Variants in PPP6R3 observed in about 807,000 individuals in gnomAD.
PPP6R3 encodes the protein serine/threonine-protein phosphatase 6 regulatory subunit 3.
A neutral mutation model predicts 110.7 loss-of-function variants in PPP6R3; 38 were observed. That is an observed-to-expected ratio of 0.34 (90% CI 0.26 to 0.45). The LOEUF (loss-of-function observed/expected upper bound fraction) is 0.45. PPP6R3 is among the 20% of genes least tolerant of loss of function. The pLI, the probability that PPP6R3 is intolerant of heterozygous loss-of-function variation, is 1.00. For missense variants in PPP6R3, 870 were observed against 1,062.4 expected (o/e 0.82, Z 2.52); for synonymous variants, 369 against 373.5 (o/e 0.99, Z 0.14).
intron 1 of PPP6R3, among the ~76,000 whole-genome samples, chr11:68,491,474 G>T (rs1000574721): frequency 8.6e-5 from 13 of 151,658 alleles, no homozygotes; most frequent in African/African-American, 3.2e-4. Flanking sequence ...CTCCTGAGTA[G>T]CTAGGACTAC....
chr11:68,495,205 C>T (rs935803709), intron 1 of PPP6R3, among the ~76,000 whole-genome samples: 17 of 152,114 alleles, frequency 1.1e-4, no homozygotes, highest in African/African-American at 4.1e-4. Flanking sequence ...ATATAACTTA[C>T]AATACAAGAT....
Position 68,613,147 on chromosome 11 carries a change from A to C in PPP6R3, c.*30A>C. On this transcript the variant is annotated 3_prime_UTR_variant, in exon 24 of 24. Transcript: ENST00000393800. ...TGACGTCTGCTGCTGCTGACTGAGG[A>C]CTGCAGACCGCCACCACTCAGGGGC... 1 of 1,613,486 alleles carries C rather than the reference A, an allele frequency of 6.2e-7. No homozygotes were observed. The highest frequency in any genetic ancestry group is 2.2e-5 in the East Asian group (1 of 44,864).
chr11:68,602,976 C>G (rs1238401377), intron 21 of PPP6R3, among the ~76,000 whole-genome samples: 1 of 152,116 alleles, frequency 6.6e-6, no homozygotes, highest in Non-Finnish European at 1.5e-5. Context: ...TAGAGCCCAA[C>G]TGAGGAAAAC....
chr11:68,546,087 C>G (rs943955969), intron 4 of PPP6R3, among the ~76,000 whole-genome samples: 1 of 152,174 alleles, frequency 6.6e-6, no homozygotes, highest in African/African-American at 2.4e-5. Context: ...TGGATACATG[C>G]TTTATTTTAG....
intron 1 of PPP6R3, among the ~76,000 whole-genome samples, chr11:68,474,532 T>C (rs986642964): frequency 1.3e-5 from 2 of 152,222 alleles, no homozygotes; most frequent in Non-Finnish European, 2.9e-5. Context: ...TTTTCCTTTT[T>C]TTATATCAAC....
At chr11:68,463,530 TTGTG>T (rs949715095) in intron 1 of PPP6R3, among the ~76,000 whole-genome samples, 1 of 151,612 alleles carries the variant, frequency 6.6e-6, no homozygotes, top group African/African-American at 2.4e-5. Context: ...CTGTGTGTGT[TTGTG>T]TGTGTGTGTG....
At chr11:68,584,260 G>T (rs1250037646) in intron 15 of PPP6R3, among the ~76,000 whole-genome samples, 1 of 152,166 alleles carries the variant, frequency 6.6e-6, no homozygotes, top group Non-Finnish European at 1.5e-5. Flanking sequence ...TGCACGGGCC[G>T]TGGCGGTGGC....
intron 18 of PPP6R3, 46 bp from the exon 19 acceptor site, chr11:68,596,051 G>T (rs1389203770): frequency 6.2e-7 from 1 of 1,609,660 alleles, no homozygotes; most frequent in Non-Finnish European, 8.5e-7. Flanking sequence ...GATTTAGCTG[G>T]TGGCTGATAA....
In PPP6R3 at chr11:68,613,292, G is replaced by C. The variant is rs1290299460; in HGVS notation, c.*175G>C. On this transcript the variant is annotated 3_prime_UTR_variant, in exon 24 of 24. Transcript: ENST00000393800. ...ACATTGTACAGAGAAATTCAGAAGT[G>C]TAAAAATATTGCACATTGACAAATA... The C allele has an allele frequency of 5.2e-6, 7 of 1,345,810 alleles. No individual in the cohort carries two copies. The highest frequency in any genetic ancestry group is 6.7e-6 in the Non-Finnish European group (7 of 1,051,324). The allele number at this position is 1,345,810 out of a possible 1,614,324, so 83.4% of individuals were successfully genotyped here. A position where few individuals can be genotyped will look rare whatever the true frequency, so the allele number is the denominator to read the frequency against.
intron 7 of PPP6R3, among the ~76,000 whole-genome samples, chr11:68,557,844 G>A (rs1228822690): frequency 1.3e-5 from 2 of 152,158 alleles, no homozygotes; most frequent in Non-Finnish European, 2.9e-5. Context: ...CATGGATTTC[G>A]AAAATTACTG....
rs769296530 is a variant in PPP6R3, at chr11:68,478,647, GTTTTT to G, written c.-158+17841_-158+17845del. Among the ~76,000 whole-genome samples the G allele has an allele frequency of 1.5e-3, 76 of 50,522 alleles. 3 individuals are homozygous for G. Among genetic ancestry groups the G allele is most frequent in the South Asian group, 0.014 (14 of 986 alleles). 33.1% of individuals were successfully genotyped at this position (50,522 alleles called of 152,430 possible). ...ACTGATGAGTTAGTGCACTTGGTAA[GTTTTT>G]TTTTTTTTTTTTTTTTTTTTGAGAA... On this transcript the variant is annotated intron_variant, in intron 1 of 23. Coordinates refer to ENST00000393800, the MANE Select transcript of PPP6R3 (RefSeq NM_001164161.2).
chr11:68,479,600 C>T (rs1051165444), intron 1 of PPP6R3, among the ~76,000 whole-genome samples: 3 of 152,132 alleles, frequency 2.0e-5, no homozygotes, highest in Non-Finnish European at 2.9e-5. Flanking sequence ...AGATGTCAGT[C>T]GTTTCTCTGC....
rs1384394223 is a variant in PPP6R3 at position 68,614,618 on chromosome 11, T to G, written c.*1501T>G. ...TAATGCCTTATTATTTCTGATTTCC[T>G]TTTTCATTTTAAGTGGTGTGGAGAT... On this transcript the variant is annotated 3_prime_UTR_variant, in exon 24 of 24. Coordinates refer to ENST00000393800, the MANE Select transcript of PPP6R3 (RefSeq NM_001164161.2). The G allele has an allele frequency of 1.3e-6, 2 of 1,515,426 alleles. No individual in the cohort carries two copies. Among genetic ancestry groups the G allele is most frequent in the Admixed American group, 5.3e-5 (2 of 37,696 alleles). 93.9% of individuals were successfully genotyped at this position (1,515,426 alleles called of 1,614,324 possible). A position where few individuals can be genotyped will look rare whatever the true frequency, so the allele number is the denominator to read the frequency against.
Position 68,615,251 on chromosome 11 carries a change from G to GAATT in PPP6R3, c.*2136_*2139dup, listed in dbSNP as rs1415380618. The GAATT allele has an allele frequency of 2.7e-6, 1 of 368,184 alleles. No individual in the cohort carries two copies. The highest frequency in any genetic ancestry group is 2.1e-5 in the African/African-American group (1 of 47,112). 22.8% of individuals were successfully genotyped at this position (368,184 alleles called of 1,614,324 possible). The stretch of plus-strand genomic sequence containing the variant: ...TTAATTTCTGTGTGTTGGCCATACT[G>GAATT]AATTATGAGACTAACAGATGTCTAC... On this transcript the variant is annotated 3_prime_UTR_variant, in exon 24 of 24. Coordinates refer to ENST00000393800, the MANE Select transcript of PPP6R3 (RefSeq NM_001164161.2).
At chr11:68,462,031 T>C (rs1029952469) in intron 1 of PPP6R3, among the ~76,000 whole-genome samples, 9 of 152,054 alleles carry the variant, frequency 5.9e-5, no homozygotes, top group Non-Finnish European at 1.2e-4. Context: ...CAGCTTCTCT[T>C]TTTTTTTCTC....
chr11:68,546,323 T>TG (rs1480149426), intron 4 of PPP6R3, among the ~76,000 whole-genome samples: 3 of 152,328 alleles, frequency 2.0e-5, no homozygotes, highest in Admixed American at 6.5e-5. Context: ...GGATGGTTGT[T>TG]GTAGCCATTA....
At chr11:68,608,488 G>T (rs955333223) in intron 22 of PPP6R3, among the ~76,000 whole-genome samples, 1 of 152,360 alleles carries the variant, frequency 6.6e-6, no homozygotes, top group East Asian at 1.9e-4. Context: ...GTCATTCTGG[G>T]TAGTAGCGTG....
intron 2 of PPP6R3, among the ~76,000 whole-genome samples, chr11:68,522,099 C>T (rs2099166990): frequency 6.6e-6 from 1 of 152,202 alleles, no homozygotes; most frequent in Non-Finnish European, 1.5e-5. Flanking sequence ...CTCTTGGATT[C>T]TTCTCTTGAT....
intron 8 of PPP6R3, among the ~76,000 whole-genome samples, chr11:68,559,779 G>A (rs2099412103): frequency 8.4e-6 from 1 of 119,240 alleles, no homozygotes; most frequent in Non-Finnish European, 1.9e-5. Flanking sequence ...CCACCCCAGG[G>A]GTACAGTACC....
Sources: gnomAD v4.1 joint callset for allele counts (sites outside exome capture counted in the v4.1 genomes callset) on GRCh38, gnomAD v4.1.1 for gene constraint, MANE v1.5 for transcripts, NCBI Gene and HGNC (gene_info 2026-07-23, HGNC 2026-07-21) for gene names.